Variants in DHODH observed in about 807,000 individuals in gnomAD.
DHODH encodes the protein dihydroorotate dehydrogenase (quinone).
DHODH carries 30 observed loss-of-function variants against 39.7 expected under a neutral mutation model. That is an observed-to-expected ratio of 0.76 (90% CI 0.57 to 1.02). DHODH has a LOEUF of 1.02. Ranked by LOEUF, DHODH falls within the 50% of genes least tolerant of loss-of-function variation. DHODH has a pLI of 0.00. For missense variants in DHODH, 531 were observed against 520.8 expected, an observed-to-expected ratio of 1.02 and a Z score of -0.19; for synonymous variants, 222 against 213.8, an observed-to-expected ratio of 1.04 and a Z score of -0.34.
intron 4 of DHODH, among the ~76,000 whole-genome samples, chr16:72,018,108 C>T (rs1395372330): frequency 6.6e-6 from 1 of 151,916 alleles, no homozygotes; most frequent in East Asian, 1.9e-4. Flanking sequence ...TCCGGCGATG[C>T]GGGTGTTCTC....
intron 4 of DHODH, among the ~76,000 whole-genome samples, chr16:72,018,789 A>C (rs570899335): frequency 2.6e-5 from 4 of 152,276 alleles, no homozygotes; most frequent in Admixed American, 6.5e-5. Flanking sequence ...CTAACTCCCA[A>C]ATCTTGTCAG....
Position 72,023,382 on chromosome 16 carries a change from G to T in DHODH, c.973+64G>T, listed in dbSNP as rs555921995. On this transcript the variant is annotated intron_variant, in intron 7 of 8. Coordinates refer to ENST00000219240, the MANE Select transcript of DHODH (RefSeq NM_001361.5). ...GGCTTGGGCTCCTGGGTCGTGATGG[G>T]AATCATCATTCCCTAATCTGTCTTG... The T allele has an allele frequency of 2.9e-5, 47 of 1,613,830 alleles. 1 individual carries two copies. The South Asian group carries it at 4.8e-4, about 17-fold the overall frequency.
In DHODH at chr16:72,022,393, T is replaced by C. The variant is rs749317101; in HGVS notation, c.737T>C (p.Val246Ala). ...CAGGAGAGGGATGGCTTGCGGAGAG[T>C]GCACAGGCCGGCAGTCCTGGTGAAG... The part of the protein sequence containing the change: ...VLQERDGLRR[V>A]HRPAVLVKIA... The change falls in exon 6 of 9, where the codon GTG (valine) becomes GCG (alanine). Residue 246 changes from valine (V) to alanine (A), a missense_variant. Coordinates refer to ENST00000219240, the MANE Select transcript of DHODH (RefSeq NM_001361.5). 18 of 1,555,398 alleles carry C rather than the reference T, an allele frequency of 1.2e-5. No homozygotes were observed. Among genetic ancestry groups the C allele is most frequent in the Middle Eastern group, 1.7e-4 (1 of 5,958 alleles).
chr16:72,014,758 T>TC (rs2041122716), intron 3 of DHODH, 86 bp downstream of exon 3: 5 of 1,326,402 alleles, frequency 3.8e-6, no homozygotes, highest in Non-Finnish European at 5.3e-6. Flanking sequence ...CTGTTTTTTT[T>TC]CTCTCATACA....
At chr16:72,016,489 A>G (rs1384145229) in intron 3 of DHODH, 2 of 184,058 alleles carry the variant, frequency 1.1e-5, no homozygotes, top group African/African-American at 4.7e-5. Flanking sequence ...AGGGACCTTA[A>G]GCATATATGT....
chr16:72,011,999 G>T, intron 1 of DHODH, 51 bp from the exon 2 acceptor site: 1 of 1,511,698 alleles, frequency 6.6e-7, no homozygotes. Context: ...GGCTCAGGAA[G>T]GGTGCTGCAG....
chr16:72,017,788 T>TTTTTTTTTTTTTA (rs2041158872), intron 4 of DHODH, among the ~76,000 whole-genome samples: 8 of 143,652 alleles, frequency 5.6e-5, no homozygotes, highest in African/African-American at 5.0e-5. Flanking sequence ...TTTTTTTTTT[T>TTTTTTTTTTTTTA]GAGACGGAGT....
At chr16:72,016,753 G>C (rs971830882) in intron 3 of DHODH, 30 of 436,154 alleles carry the variant, frequency 6.9e-5, no homozygotes, top group Non-Finnish European at 1.2e-4. Flanking sequence ...GCTGGGTAAG[G>C]AGTGGGGATC....
At chr16:72,022,527 C>T (rs1438923872) in intron 6 of DHODH, 52 bp downstream of exon 6, 5 of 1,430,636 alleles carry the variant, frequency 3.5e-6, no homozygotes, top group South Asian at 1.2e-5. Context: ...CTGCAGAGGC[C>T]GTTTGGCCAG....
rs368688570 is a variant in DHODH, at chr16:72,014,556, A to C, written c.318A>C (p.Gly106=). ...ACAAGCATGGGGAAGCCGTGGACGG[A>C]CTTTATAAGATGGGCTTTGGTTTTG... is the stretch of plus-strand genomic sequence containing the variant. The part of the protein sequence containing the change: ...GFDKHGEAVD[G]LYKMGFGFVE... The change falls in exon 3 of 9, where the codon GGA becomes GGC. Residue 106 remains glycine (G), a synonymous_variant. Transcript: ENST00000219240. The C allele has an allele frequency of 1.2e-6, 2 of 1,614,152 alleles. No homozygotes were observed. Among genetic ancestry groups the C allele is most frequent in the Non-Finnish European group, 1.7e-6 (2 of 1,180,034 alleles).
Position 72,012,037 on chromosome 16 carries a change from CTCT to C in DHODH, c.22-11_22-9del. The C allele has an allele frequency of 1.9e-6, 3 of 1,613,604 alleles. No individual in the cohort carries two copies. Among genetic ancestry groups the C allele is most frequent in the Non-Finnish European group, 2.5e-6 (3 of 1,179,682 alleles). On this transcript the variant is annotated splice_polypyrimidine_tract_variant and intron_variant, in intron 1 of 8. Coordinates refer to ENST00000219240, the MANE Select transcript of DHODH (RefSeq NM_001361.5). The stretch of plus-strand genomic sequence containing the variant: ...TGGCCTGGGGGACCCCCCTAATATG[CTCT>C]TTTTTGCAGAAGCGGGCCCAGGATG...
chr16:72,021,791 C>T (rs2041220449), intron 5 of DHODH, among the ~76,000 whole-genome samples: 2 of 152,162 alleles, frequency 1.3e-5, no homozygotes, highest in African/African-American at 2.4e-5. Context: ...GAGCAAGACC[C>T]TGTCTCTACA....
At chr16:72,023,446 T>G in intron 7 of DHODH, 28 bp from the exon 8 acceptor site, 1 of 1,614,168 alleles carries the variant, frequency 6.2e-7, no homozygotes, top group Non-Finnish European at 8.5e-7. Flanking sequence ...CATCCTTCTT[T>G]ATGGTGTCGC....
intron 8 of DHODH, 68 bp downstream of exon 8, chr16:72,023,701 C>G (rs953947831): frequency 3.8e-6 from 6 of 1,593,746 alleles, no homozygotes; most frequent in Admixed American, 1.7e-5. Flanking sequence ...CTCAAGTCAA[C>G]GAGATACTGT....
intron 3 of DHODH, chr16:72,015,825 C>G (rs1321223323): frequency 2.0e-6 from 2 of 985,240 alleles, no homozygotes; most frequent in Non-Finnish European, 1.2e-6. Context: ...GCTCTGAGCC[C>G]TGTGTGTGCG....
At chr16:72,013,738 G>A (rs2041109947) in intron 2 of DHODH, 1 of 152,506 alleles carries the variant, frequency 6.6e-6, no homozygotes, top group Non-Finnish European at 1.5e-5. Context: ...CTGGAGGAAG[G>A]CCCCTACACA....
chr16:72,012,405 T>C, intron 2 of DHODH, 143 bp downstream of exon 2: 1 of 726,200 alleles, frequency 1.4e-6, no homozygotes, highest in Non-Finnish European at 2.4e-6. Flanking sequence ...GCATTATTAT[T>C]TTATGTCATG....
chr16:72,008,897 C>A, intron 1 of DHODH, 112 bp downstream of exon 1: 4 of 1,543,086 alleles, frequency 2.6e-6, no homozygotes, highest in Admixed American at 2.0e-5. Flanking sequence ...GAGTGTGGGC[C>A]CCCCTGGGAC....
At position 72,025,827 on chromosome 16, in the gene DHODH, C is replaced by G. The variant is rs1267805083; in HGVS notation, c.*1628C>G. 6.6e-6 allele frequency: 1 copy of G among 152,320 alleles called. No homozygotes were observed. The highest frequency in any genetic ancestry group is 1.5e-5 in the Non-Finnish European group (1 of 68,106). The allele number at this position is 152,320 out of a possible 1,614,324, so 9.4% of individuals were successfully genotyped here. ...GCAGCTCATGTCCACTGAACACTGA[C>G]TGTGGGCTGGATGCTGTGCCAAGGG... On this transcript the variant is annotated 3_prime_UTR_variant, in exon 9 of 9. Transcript: ENST00000219240.
Sources: allele counts gnomAD v4.1 joint callset (sites outside exome capture counted in the v4.1 genomes callset), GRCh38; gene constraint gnomAD v4.1.1; transcripts MANE v1.5; gene names NCBI Gene and HGNC (gene_info 2026-07-23, HGNC 2026-07-21).